Variants in ELMOD3 observed in about 807,000 individuals in gnomAD.
ELMOD3 encodes ELMO domain-containing protein 3.
Under a neutral mutation model 47.4 loss-of-function variants are expected in ELMOD3, and 36 were observed. That is an observed-to-expected ratio of 0.76 (90% confidence interval 0.58 to 1.00). The LOEUF (loss-of-function observed/expected upper bound fraction) is 1.00. Ranked by LOEUF, ELMOD3 falls within the 50% of genes least tolerant of loss-of-function variation. ELMOD3 has a pLI of 0.00. For missense variants in ELMOD3, 404 were observed against 463.8 expected, an observed-to-expected ratio of 0.87 and a Z score of 1.18; for synonymous variants, 149 against 183.5, an observed-to-expected ratio of 0.81 and a Z score of 1.52.
chr2:85,377,227 T>G, intron 10 of ELMOD3, 117 bp from the exon 11 acceptor site: 1 of 916,414 alleles, frequency 1.1e-6, no homozygotes, highest in Non-Finnish European at 1.5e-6. Flanking sequence ...AAAGTGGACG[T>G]GTGCTGCTCA....
chr2:85,361,463 A>T (rs1453159160), intron 4 of ELMOD3, among the ~76,000 whole-genome samples: 1 of 152,124 alleles, frequency 6.6e-6, no homozygotes, highest in African/African-American at 2.4e-5. Flanking sequence ...TACTGGGAAA[A>T]GTTGCAACAT....
intron 6 of ELMOD3, among the ~76,000 whole-genome samples, chr2:85,365,015 G>T (rs1053532072): frequency 2.6e-4 from 38 of 148,846 alleles, no homozygotes; most frequent in African/African-American, 8.6e-4. Flanking sequence ...TCATTATGTT[G>T]CCCAGGCTGG....
Position 85,357,361 on chromosome 2 carries a change from A to G in ELMOD3, c.54+109A>G, listed in dbSNP as rs138532833. The G allele has an allele frequency of 5.4e-5, 35 of 649,978 alleles. No homozygotes were observed. The East Asian group carries it at 1.1e-3, about 20-fold the overall frequency. The allele number at this position is 649,978 out of a possible 1,614,324, so 40.3% of individuals were successfully genotyped here. A position where few individuals can be genotyped will look rare whatever the true frequency, so the allele number is the denominator to read the frequency against. On this transcript the variant is annotated intron_variant, in intron 4 of 13. Transcript: ENST00000409013. ...TTGGAAAAATTTAGAAACCCTCATT[A>G]TAGTTCTCTTTGTTCTGTAAGAAGG...
chr2:85,367,872 C>T (rs139113775), intron 6 of ELMOD3, among the ~76,000 whole-genome samples: 34 of 151,710 alleles, frequency 2.2e-4, no homozygotes, highest in Non-Finnish European at 4.1e-4. Context: ...GTGGAGAATC[C>T]CTGGAGGGTT....
chr2:85,382,488 G>C (rs1000088707), intron 11 of ELMOD3, among the ~76,000 whole-genome samples: 2 of 149,678 alleles, frequency 1.3e-5, no homozygotes, highest in Non-Finnish European at 3.0e-5. Flanking sequence ...TTAGACCCAG[G>C]AGTTAAAGCC....
Position 85,391,353 on chromosome 2 carries a change from C to T in ELMOD3, c.*391C>T. On this transcript the variant is annotated 3_prime_UTR_variant, in exon 14 of 14. Transcript: ENST00000409013. Reference sequence around the variant, plus strand: ...GGCAGCCAGAATTCTGACTCCCTGGCAGCAGCAGGGCTTTCAGGCACCAGT... The same window carrying T: ...GGCAGCCAGAATTCTGACTCCCTGGTAGCAGCAGGGCTTTCAGGCACCAGT... 1 of 184,924 alleles carries T rather than the reference C, an allele frequency of 5.4e-6. No individual in the cohort carries two copies. The highest frequency in any genetic ancestry group is 1.1e-5 in the Non-Finnish European group (1 of 88,190). 11.5% of individuals were successfully genotyped at this position (184,924 alleles called of 1,614,324 possible). A position where few individuals can be genotyped will look rare whatever the true frequency, so the allele number is the denominator to read the frequency against.
At position 85,357,104 on chromosome 2, in the gene ELMOD3, A is replaced by G. The variant is rs1683618294; in HGVS notation, c.-95A>G. ...AGGAAGGCAAAGGTAGAGCAACTGG[A>G]TCTCTGGCTCTCCACATAGCTTCTG... On this transcript the variant is annotated 5_prime_UTR_variant, in exon 4 of 14. Coordinates refer to ENST00000409013, the MANE Select transcript of ELMOD3 (RefSeq NM_001135022.2). The G allele has an allele frequency of 1.9e-5, 15 of 810,564 alleles. 1 individual carries two copies. The Admixed American group carries it at 3.3e-4, about 18-fold the overall frequency. The allele number at this position is 810,564 out of a possible 1,614,324, so 50.2% of individuals were successfully genotyped here. A position where few individuals can be genotyped will look rare whatever the true frequency, so the allele number is the denominator to read the frequency against.
intron 10 of ELMOD3, among the ~76,000 whole-genome samples, chr2:85,373,624 A>G (rs1684959328): frequency 6.6e-6 from 1 of 151,898 alleles, no homozygotes; most frequent in Non-Finnish European, 1.5e-5. Context: ...GAGGATCACG[A>G]GGTCAGGAGT....
intron 6 of ELMOD3, among the ~76,000 whole-genome samples, chr2:85,367,880 G>GT (rs1684503948): frequency 6.6e-6 from 1 of 151,840 alleles, no homozygotes; most frequent in Non-Finnish European, 1.5e-5. Flanking sequence ...TCCCTGGAGG[G>GT]TTTTGAGCAG....
chr2:85,357,217 T>C lies in ELMOD3; in HGVS notation c.19T>C (p.Ser7Pro). The C allele has an allele frequency of 6.2e-7, 1 of 1,608,596 alleles. No individual in the cohort carries two copies. Among genetic ancestry groups the C allele is most frequent in the Non-Finnish European group, 8.5e-7 (1 of 1,177,304 alleles). MNEKSC[S>P]FHSKEELRDG... ...TTGAGTCATGAATGAAAAATCTTGC[T>C]CTTTCCATAGTAAAGAAGAATTAAG... Residue 7 changes from serine (S) to proline (P), a missense_variant, in exon 4 of 14, where the codon TCT becomes CCT. Coordinates refer to ENST00000409013, the MANE Select transcript of ELMOD3 (RefSeq NM_001135022.2).
chr2:85,372,545 T>C (rs1388439725), intron 10 of ELMOD3: 1 of 152,176 alleles, frequency 6.6e-6, no homozygotes, highest in East Asian at 1.9e-4. Flanking sequence ...ACTTTCTGAG[T>C]GAAACAGAAT....
At chr2:85,387,666 C>CA (rs33992978) in intron 11 of ELMOD3, among the ~76,000 whole-genome samples, 39,538 of 93,966 alleles carry the variant, frequency 0.42, 8,723 homozygotes, top group Non-Finnish European at 0.49. Flanking sequence ...GACTCCATCT[C>CA]AAAAAAAAAA....
At chr2:85,387,645 C>T (rs146369900) in intron 11 of ELMOD3, among the ~76,000 whole-genome samples, 7,429 of 131,412 alleles carry the variant, frequency 0.057, 226 homozygotes, top group Non-Finnish European at 0.069. Context: ...CCAGCCTGGG[C>T]GACAGAGCAA....
intron 10 of ELMOD3, 54 bp downstream of exon 10, chr2:85,371,616 G>C (rs1262860745): frequency 6.2e-7 from 1 of 1,608,748 alleles, no homozygotes. Context: ...TCCAGGACTA[G>C]AGTGAGAGGC....
At chr2:85,365,421 C>G (rs913332992) in intron 6 of ELMOD3, among the ~76,000 whole-genome samples, 1 of 151,858 alleles carries the variant, frequency 6.6e-6, no homozygotes, top group Non-Finnish European at 1.5e-5. Flanking sequence ...ACTCAATTGG[C>G]AGTGCTCTTG....
chr2:85,363,036 G>A (rs544967777), intron 5 of ELMOD3, 61 bp from the exon 6 acceptor site: 45 of 1,047,464 alleles, frequency 4.3e-5, no homozygotes, highest in East Asian at 1.7e-4. Context: ...GGTGGGAAGC[G>A]TTTGTGTATA....
chr2:85,375,240 G>C (rs1362031931), intron 10 of ELMOD3, among the ~76,000 whole-genome samples: 1 of 152,190 alleles, frequency 6.6e-6, no homozygotes, highest in Non-Finnish European at 1.5e-5. Context: ...ATTTTCAGCT[G>C]TGATTCCTTT....
At chr2:85,379,861 A>G (rs1370417802) in intron 11 of ELMOD3, among the ~76,000 whole-genome samples, 8 of 152,148 alleles carry the variant, frequency 5.3e-5, no homozygotes, top group Non-Finnish European at 1.2e-4. Flanking sequence ...TTGTACCATC[A>G]AATATCTATG....
chr2:85,383,175 C>T (rs914219647), intron 11 of ELMOD3, among the ~76,000 whole-genome samples: 20 of 151,580 alleles, frequency 1.3e-4, no homozygotes, highest in African/African-American at 3.6e-4. Context: ...GTCACCCAGG[C>T]TGGAGTGCAG....
Sources: allele counts gnomAD v4.1 joint callset (sites outside exome capture counted in the v4.1 genomes callset), GRCh38; gene constraint gnomAD v4.1.1; transcripts MANE v1.5; gene names NCBI Gene and HGNC (gene_info 2026-07-23, HGNC 2026-07-21).